The following DGKG variants were observed in gnomAD, a reference collection of about 807,000 sequenced individuals.
DGKG encodes DAG kinase gamma.
Under a neutral mutation model 105.3 loss-of-function variants are expected in DGKG, and 78 were observed. The ratio of observed to expected loss-of-function variants is 0.74; its 90% confidence interval spans 0.62 to 0.89. DGKG has a LOEUF of 0.89. Ranked by LOEUF, DGKG falls within the 40% of genes least tolerant of loss-of-function variation. The pLI is 0.00. For missense variants in DGKG, 958 were observed against 1,020.1 expected (o/e 0.94, Z 0.83); for synonymous variants, 346 against 367.1 (o/e 0.94, Z 0.66).
chr3:186,209,824 C>T (rs908960443), intron 21 of DGKG, among the ~76,000 whole-genome samples: 27 of 152,278 alleles, frequency 1.8e-4, no homozygotes, highest in East Asian at 5.8e-4. Flanking sequence ...TCTCTGGATA[C>T]AGAAATGGTG....
At chr3:186,184,169 A>G (rs1014420445) in intron 22 of DGKG, among the ~76,000 whole-genome samples, 21 of 151,808 alleles carry the variant, frequency 1.4e-4, no homozygotes, top group Non-Finnish European at 4.4e-5. Context: ...AGGCACTTTC[A>G]CATCCATCAT....
intron 20 of DGKG, among the ~76,000 whole-genome samples, chr3:186,238,158 G>A (rs150472224): frequency 3.5e-4 from 53 of 151,966 alleles, no homozygotes; most frequent in Admixed American, 8.5e-4. Context: ...TTAGCCAGGC[G>A]TGGTGGTGTG....
intron 23 of DGKG, among the ~76,000 whole-genome samples, chr3:186,163,319 G>A (rs1222000303): frequency 1.3e-5 from 2 of 152,172 alleles, no homozygotes; most frequent in African/African-American, 4.8e-5. Flanking sequence ...GGTTTTAAAA[G>A]GAGAGAGATG....
intron 21 of DGKG, among the ~76,000 whole-genome samples, chr3:186,194,050 G>A (rs1312137432): frequency 6.6e-6 from 1 of 152,198 alleles, no homozygotes; most frequent in Non-Finnish European, 1.5e-5. Context: ...AAGCAGCGCC[G>A]GAGTCCGTCT....
intron 13 of DGKG, 172 bp downstream of exon 13, chr3:186,267,513 C>A: frequency 1.7e-6 from 1 of 573,324 alleles, no homozygotes; most frequent in Non-Finnish European, 3.2e-6. Context: ...TGTAACAAAC[C>A]CTCCCATGTA....
At chr3:186,271,784 C>A (rs1419173136) in intron 11 of DGKG, among the ~76,000 whole-genome samples, 4 of 152,168 alleles carry the variant, frequency 2.6e-5, no homozygotes, top group Non-Finnish European at 5.9e-5. Context: ...AGCCGTGTCT[C>A]ATGCCTTTAC....
intron 22 of DGKG, 110 bp from the exon 23 acceptor site, chr3:186,165,128 C>T: frequency 8.6e-7 from 1 of 1,168,290 alleles, no homozygotes; most frequent in Non-Finnish European, 1.2e-6. Context: ...CCCTTCATCT[C>T]CCACCAAACA....
intron 20 of DGKG, among the ~76,000 whole-genome samples, chr3:186,225,142 T>G (rs576598854): frequency 1.3e-5 from 2 of 152,136 alleles, no homozygotes; most frequent in Admixed American, 6.5e-5. Context: ...TTGCCCAGGC[T>G]GGAGTGCAAG....
intron 14 of DGKG, among the ~76,000 whole-genome samples, chr3:186,263,245 C>G (rs1721869912): frequency 6.6e-6 from 1 of 152,170 alleles, no homozygotes; most frequent in Non-Finnish European, 1.5e-5. Context: ...TTCCCTTCAT[C>G]ATTGCAACTA....
chr3:186,192,246 TGATC>T (rs1313349539), intron 21 of DGKG, among the ~76,000 whole-genome samples: 3 of 152,066 alleles, frequency 2.0e-5, no homozygotes, highest in African/African-American at 7.2e-5. Context: ...TGACCTCAGG[TGATC>T]CACCTGCCTT....
In DGKG at chr3:186,152,175, C is replaced by T. The variant is rs573572483; in HGVS notation, c.2278-1987G>A. On this transcript the variant is annotated intron_variant, in intron 24 of 24. Coordinates refer to ENST00000265022, the MANE Select transcript of DGKG (RefSeq NM_001346.3). ...AATTAGCATAACCTGGTGCTAAAAG[C>T]TGAAAATGATCCTTATGTTGGCTTC... 9.2e-5 allele frequency among the ~76,000 whole-genome samples: 14 copies of T among 152,250 alleles called. No homozygotes were observed. The South Asian group carries it at 2.7e-3, about 29-fold the overall frequency.
At chr3:186,209,623 G>A (rs1163623889) in intron 21 of DGKG, among the ~76,000 whole-genome samples, 1 of 152,052 alleles carries the variant, frequency 6.6e-6, no homozygotes, top group Non-Finnish European at 1.5e-5. Context: ...CTGGCCTGTT[G>A]TCTGCAGCAA....
rs1043318781 is a variant in DGKG at position 186,328,587 on chromosome 3, T to G, written c.-248-7880A>C. Among the ~76,000 whole-genome samples, 189 of 151,852 alleles carry G rather than the reference T, an allele frequency of 1.2e-3. 2 individuals carry two copies. Among genetic ancestry groups the G allele is most frequent in the African/African-American group, 4.3e-3 (179 of 41,366 alleles). On this transcript the variant is annotated intron_variant, in intron 1 of 24. Coordinates refer to ENST00000265022, the MANE Select transcript of DGKG (RefSeq NM_001346.3). ...AGGCTACACCATTCTTTTTTTTTTT[T>G]TTTCTTGAGATGGAGTTTTGCTCTG...
At chr3:186,255,051 G>A (rs1249864784) in intron 17 of DGKG, among the ~76,000 whole-genome samples, 1 of 152,216 alleles carries the variant, frequency 6.6e-6, no homozygotes, top group Non-Finnish European at 1.5e-5. Flanking sequence ...CTCCCTAGTT[G>A]CCCCAGCCTG....
intron 20 of DGKG, among the ~76,000 whole-genome samples, chr3:186,240,466 C>A (rs902329804): frequency 2.0e-5 from 3 of 152,136 alleles, no homozygotes; most frequent in Non-Finnish European, 4.4e-5. Context: ...ATGAACAGAG[C>A]CCCGTGGCTT....
chr3:186,279,926 A>C lies in DGKG; in HGVS notation c.717T>G (p.Phe239Leu), dbSNP rs1253372936. 12 of 1,614,154 alleles carry C rather than the reference A, an allele frequency of 7.4e-6. No individual in the cohort carries two copies. Among genetic ancestry groups the C allele is most frequent in the Non-Finnish European group, 1.0e-5 (12 of 1,179,992 alleles). ...CATGGACCCATTCCTGTAGAGACAC[A>C]AAGCCGTCCCGGTCGTAGTCCATCC... ...LQGMDYDRDG[F>L]VSLQEWVHGG... is the part of the protein sequence containing the mutation. Residue 239 changes from phenylalanine to leucine, a missense_variant, in exon 9 of 25, where the codon TTT becomes TTG. Phe to Leu is a conservative substitution (Grantham distance 22). Transcript: ENST00000265022.
At chr3:186,243,391 T>C (rs910711693) in intron 19 of DGKG, among the ~76,000 whole-genome samples, 5 of 152,072 alleles carry the variant, frequency 3.3e-5, no homozygotes, top group African/African-American at 1.2e-4. Flanking sequence ...TCATGCACTG[T>C]GCTCCTGGGC....
intron 15 of DGKG, among the ~76,000 whole-genome samples, chr3:186,260,756 A>G (rs993898539): frequency 1.3e-5 from 2 of 152,242 alleles, no homozygotes; most frequent in African/African-American, 4.8e-5. Context: ...TCCTAAGCCC[A>G]GAAGCATCGC....
rs1724015939 is a variant in DGKG at position 186,302,534 on chromosome 3, ATATG to A, written c.145-4309_145-4306del. Among the ~76,000 whole-genome samples, 27 of 41,034 alleles carry A rather than the reference ATATG, an allele frequency of 6.6e-4. 1 individual carries two copies. The South Asian group carries it at 0.016, about 24-fold the overall frequency. The allele number at this position is 41,034 out of a possible 152,430, so 26.9% of individuals were successfully genotyped here. A position where few individuals can be genotyped will look rare whatever the true frequency, so the allele number is the denominator to read the frequency against. ...TATGTGTATATATATATATATATAC[ATATG>A]TATATATATATATATATATACACAT... On this transcript the variant is annotated intron_variant, in intron 3 of 24. Coordinates refer to ENST00000265022, the MANE Select transcript of DGKG (RefSeq NM_001346.3).
Sources: gnomAD v4.1 joint callset for allele counts (sites outside exome capture counted in the v4.1 genomes callset) on GRCh38, gnomAD v4.1.1 for gene constraint, MANE v1.5 for transcripts, NCBI Gene and HGNC (gene_info 2026-07-23, HGNC 2026-07-21) for gene names.